LRP2: variants seen among roughly 807,000 people sequenced by gnomAD.
LRP2 encodes the protein low-density lipoprotein receptor-related protein 2.
In LRP2, 172 loss-of-function variants were observed where a neutral mutation model predicts 531.0. That is an observed-to-expected ratio of 0.32 (90% CI 0.29 to 0.37). The LOEUF is 0.37. Among genes scored for constraint, LRP2 ranks in the 10% least tolerant of loss-of-function variants. The pLI is 1.00. For synonymous variants in LRP2, 1,992 were observed against 2,027.6 expected (o/e 0.98, Z 0.47); for missense variants, 5,167 against 5,868.3 (o/e 0.88, Z 3.90).
intron 48 of LRP2, among the ~76,000 whole-genome samples, chr2:169,189,740 A>G (rs982281262): frequency 6.6e-6 from 1 of 152,154 alleles, no homozygotes; most frequent in African/African-American, 2.4e-5. Flanking sequence ...AGTAGAGGCT[A>G]CTCCAGACAC....
chr2:169,186,258 G>C (rs1687634320), intron 49 of LRP2, among the ~76,000 whole-genome samples: 1 of 152,176 alleles, frequency 6.6e-6, no homozygotes, highest in Non-Finnish European at 1.5e-5. Flanking sequence ...AGAAAGAAGA[G>C]GAGAAGAAAA....
intron 3 of LRP2, among the ~76,000 whole-genome samples, chr2:169,309,706 G>A (rs554231800): frequency 7.2e-5 from 11 of 152,206 alleles, no homozygotes; most frequent in African/African-American, 2.4e-4. Flanking sequence ...TGGCAATGTG[G>A]GCTCTTTTTT....
At chr2:169,251,866 T>A (rs200294096) in intron 19 of LRP2, among the ~76,000 whole-genome samples, 82 of 69,614 alleles carry the variant, frequency 1.2e-3, no homozygotes, top group Non-Finnish European at 1.7e-3. Flanking sequence ...AAACACCTCT[T>A]CGCAAATAAA....
rs778633752 is a variant in LRP2, at chr2:169,238,195, T to G, written c.4402A>C (p.Ile1468Leu). 6.2e-7 allele frequency: 1 copy of G among 1,614,108 alleles called. No homozygotes were observed. The highest frequency in any genetic ancestry group is 8.5e-7 in the Non-Finnish European group (1 of 1,179,980). ...IYSLVENGSYIVAVDFDSISG... is the reference protein window; with the variant it reads ...IYSLVENGSYLVAVDFDSISG... ...ATTGAATCAAAATCAACAGCTACAA[T>G]GTAAGAACCATTCTCGACCAATGAA... Residue 1468 changes from isoleucine to leucine, a missense_variant, in exon 27 of 79, where the codon ATT becomes CTT. By Grantham distance (5) the Ile-to-Leu change is conservative. This residue lies in a region of LRP2 where 2,811 missense variants were observed against 3,058.0 expected (regional missense o/e 0.92). Coordinates refer to ENST00000649046, the MANE Select transcript of LRP2 (RefSeq NM_004525.3).
chr2:169,356,966 A>G (rs1686005232), intron 1 of LRP2, among the ~76,000 whole-genome samples: 1 of 152,226 alleles, frequency 6.6e-6, no homozygotes, highest in African/African-American at 2.4e-5. Context: ...TAGTATTGAT[A>G]CTATTGACTC....
chr2:169,148,299 C>T (rs1412969404), intron 68 of LRP2, among the ~76,000 whole-genome samples: 1 of 152,148 alleles, frequency 6.6e-6, no homozygotes, highest in Non-Finnish European at 1.5e-5. Context: ...TTAGCAGGTA[C>T]TGAGGGCAGG....
chr2:169,260,672 C>G (rs766772293), intron 16 of LRP2, among the ~76,000 whole-genome samples: 2 of 151,918 alleles, frequency 1.3e-5, no homozygotes, highest in Non-Finnish European at 2.9e-5. Context: ...TCCCTCATTC[C>G]CCAGTTTAGG....
Position 169,201,805 on chromosome 2 carries a change from G to A in LRP2, c.8275C>T (p.Arg2759Cys), listed in dbSNP as rs1489949330. The A allele has an allele frequency of 5.6e-6, 9 of 1,614,056 alleles. No homozygotes were observed. Among genetic ancestry groups the A allele is most frequent in the East Asian group, 2.2e-5 (1 of 44,894 alleles). The change falls in exon 44 of 79, where the codon CGC becomes TGC. Residue 2759 changes from arginine (R) to cysteine (C), a missense_variant. By Grantham distance (180) the Arg-to-Cys change is radical. This residue lies in a region of LRP2 where 1,129 missense variants were observed against 1,362.7 expected (regional missense o/e 0.83). Coordinates refer to ENST00000649046, the MANE Select transcript of LRP2 (RefSeq NM_004525.3). ...CCACAGTCATTGTAGTAATCACAGC[G>A]GTAAGAGTATTGGACACATCGCCCA... ...ANGRCVQYSY[R>C]CDYYNDCGDG...
At chr2:169,316,253 A>T (rs1203010522) in intron 3 of LRP2, among the ~76,000 whole-genome samples, 1 of 152,158 alleles carries the variant, frequency 6.6e-6, no homozygotes, top group Admixed American at 6.6e-5. Flanking sequence ...TGGTGATTCA[A>T]TGTGGGCAGT....
intron 31 of LRP2, among the ~76,000 whole-genome samples, chr2:169,227,785 T>G (rs1036096259): frequency 6.6e-6 from 1 of 152,180 alleles, no homozygotes. Context: ...AAATTTAAAT[T>G]TAGTCTAATG....
Position 169,226,270 on chromosome 2 carries a change from A to G in LRP2, c.5394+152T>C, listed in dbSNP as rs539240064. 32 of 647,590 alleles carry G rather than the reference A, an allele frequency of 4.9e-5. No homozygotes were observed. The African/African-American group carries it at 5.8e-4, about 12-fold the overall frequency. The allele number at this position is 647,590 out of a possible 1,614,324, so 40.1% of individuals were successfully genotyped here. ...TGCTCCAGGCCAAGCTCACATATAT[A>G]CCCCTCATTGAATCAAAAAACTTAG... On this transcript the variant is annotated intron_variant, in intron 32 of 78. Coordinates refer to ENST00000649046, the MANE Select transcript of LRP2 (RefSeq NM_004525.3).
At chr2:169,254,919 G>C (rs1214215570) in intron 19 of LRP2, among the ~76,000 whole-genome samples, 1 of 151,936 alleles carries the variant, frequency 6.6e-6, no homozygotes, top group Non-Finnish European at 1.5e-5. Flanking sequence ...GGGGACGGGA[G>C]GAGTATTTAT....
chr2:169,352,080 C>T (rs1685866119), intron 1 of LRP2, among the ~76,000 whole-genome samples: 1 of 152,146 alleles, frequency 6.6e-6, no homozygotes, highest in Non-Finnish European at 1.5e-5. Context: ...ATGGAACAGA[C>T]AGCTTCTCTA....
At chr2:169,146,175 G>A (rs1234480637) in intron 69 of LRP2, among the ~76,000 whole-genome samples, 2 of 152,112 alleles carry the variant, frequency 1.3e-5, no homozygotes, top group Non-Finnish European at 2.9e-5. Context: ...CAGGGCCCTA[G>A]CTCACTTTCA....
At chr2:169,172,827 T>C (rs567369833) in intron 57 of LRP2, among the ~76,000 whole-genome samples, 71 of 152,322 alleles carry the variant, frequency 4.7e-4, no homozygotes, top group Admixed American at 1.4e-3. Context: ...GGATTCTACA[T>C]TTGGAAGAAA....
Position 169,257,286 on chromosome 2 carries a change from T to G in LRP2, c.2514-37A>C. On this transcript the variant is annotated intron_variant, in intron 17 of 78. Coordinates refer to ENST00000649046, the MANE Select transcript of LRP2 (RefSeq NM_004525.3). ...AGTAGTAAATTAAGGCTGTTAACAC[T>G]GGGACAAACTACATGACTTCCAGAG... is the stretch of plus-strand genomic sequence containing the variant. The G allele has an allele frequency of 3.7e-6, 6 of 1,604,948 alleles. 1 individual carries two copies. In the African/African-American group the frequency reaches 4.0e-5, roughly 11 times the overall value.
Position 169,279,529 on chromosome 2 carries a change from C to G in LRP2, c.1408G>C (p.Glu470Gln). The change falls in exon 12 of 79, where the codon GAG (glutamate) becomes CAG (glutamine). Residue 470 changes from glutamate to glutamine, a missense_variant. Physicochemically the swap from Glu to Gln is conservative, Grantham distance 29 (BLOSUM62 2). Transcript: ENST00000649046. ...TTAACCCAGTCCACAGCCAGGTTCT[C>G]TGGGGTTTCAACAGAAACATTGAGA... is the stretch of plus-strand genomic sequence containing the variant. ...EVLNVSVETP[E>Q]NLAVDWVNNK... 6.2e-7 allele frequency: 1 copy of G among 1,613,956 alleles called. No homozygotes were observed. Among genetic ancestry groups the G allele is most frequent in the Non-Finnish European group, 8.5e-7 (1 of 1,179,908 alleles).
intron 37 of LRP2, among the ~76,000 whole-genome samples, chr2:169,211,222 C>T (rs1456428633): frequency 1.3e-5 from 2 of 152,156 alleles, no homozygotes; most frequent in Non-Finnish European, 2.9e-5. Flanking sequence ...ATCTCTACAA[C>T]CCCTTCATTG....
At chr2:169,270,336 G>A (rs1386640394) in intron 16 of LRP2, among the ~76,000 whole-genome samples, 1 of 152,088 alleles carries the variant, frequency 6.6e-6, no homozygotes, top group Non-Finnish European at 1.5e-5. Context: ...ATTCACAACA[G>A]CAAAAACTTG....
Sources: allele counts gnomAD v4.1 joint callset (sites outside exome capture counted in the v4.1 genomes callset), GRCh38; gene constraint gnomAD v4.1.1; regional missense constraint gnomAD v4.1.1; transcripts MANE v1.5; gene names NCBI Gene and HGNC (gene_info 2026-07-23, HGNC 2026-07-21).